NRCAM: variants seen among roughly 807,000 people sequenced by gnomAD.
The protein encoded by NRCAM is neuronal cell adhesion molecule, also known as NgCAM-related cell adhesion molecule.
A neutral mutation model predicts 156.5 loss-of-function variants in NRCAM; 83 were observed. That is an observed-to-expected ratio of 0.53 (90% CI 0.44 to 0.64). The LOEUF (loss-of-function observed/expected upper bound fraction) is 0.64. NRCAM is among the 30% of genes least tolerant of loss of function. The pLI, the probability that NRCAM is intolerant of heterozygous loss-of-function variation, is 0.00. For synonymous variants in NRCAM, 538 were observed against 563.9 expected, an observed-to-expected ratio of 0.95 and a Z score of 0.65; for missense variants, 1,417 against 1,597.3, an observed-to-expected ratio of 0.89 and a Z score of 1.92.
At chr7:108,172,245 CT>C (rs1405746184) in intron 28 of NRCAM, among the ~76,000 whole-genome samples, 1 of 151,896 alleles carries the variant, frequency 6.6e-6, no homozygotes, top group Non-Finnish European at 1.5e-5. Context: ...CCTTCACAGT[CT>C]ACTTCCTAGA....
At position 108,335,007 on chromosome 7, in the gene NRCAM, A is replaced by T. The variant is rs190075736; in HGVS notation, c.-173-22276T>A. 2.0e-5 allele frequency among the ~76,000 whole-genome samples: 3 copies of T among 152,340 alleles called. No individual in the cohort carries two copies. The East Asian group carries it at 5.8e-4, about 29-fold the overall frequency. On this transcript the variant is annotated intron_variant, in intron 2 of 32. Transcript: ENST00000379028. Reference sequence around the variant, plus strand: ...GAACCCTTCTATCACTGTTTTAGGCATATTTACATCCATTAATTAACAATC... The same window carrying T: ...GAACCCTTCTATCACTGTTTTAGGCTTATTTACATCCATTAATTAACAATC...
intron 3 of NRCAM, among the ~76,000 whole-genome samples, chr7:108,299,832 T>C (rs575873291): frequency 1.3e-5 from 2 of 152,312 alleles, no homozygotes; most frequent in South Asian, 4.2e-4. Context: ...GGTGGTGAAG[T>C]ACATGAACTC....
In NRCAM at chr7:108,346,067, G is replaced by A. The variant is rs1480188230; in HGVS notation, c.-173-33336C>T. On this transcript the variant is annotated intron_variant, in intron 2 of 32. Coordinates refer to ENST00000379028, the MANE Select transcript of NRCAM (RefSeq NM_001037132.4). ...GGGGACAGATTTGAGAAGTTGCTAC[G>A]GAGACTAGCTGTGGTAGCTCAGGTA... 2.6e-5 allele frequency among the ~76,000 whole-genome samples: 4 copies of A among 152,176 alleles called. No homozygotes were observed. In the South Asian group the frequency reaches 6.2e-4, roughly 24 times the overall value.
chr7:108,343,207 A>G (rs1369567138), intron 2 of NRCAM, among the ~76,000 whole-genome samples: 1 of 152,230 alleles, frequency 6.6e-6, no homozygotes, highest in Non-Finnish European at 1.5e-5. Context: ...GGCAGAACTA[A>G]TAGCCCTCAT....
At chr7:108,433,593 T>C (rs1116335) in intron 1 of NRCAM, among the ~76,000 whole-genome samples, 136,944 of 152,176 alleles carry the variant, frequency 0.9, 62,069 homozygotes, top group East Asian at 1. Context: ...TTGGGATGAC[T>C]TTTCACTGTA....
intron 2 of NRCAM, among the ~76,000 whole-genome samples, chr7:108,353,052 T>TAA (rs58322692): frequency 0.027 from 3,910 of 143,714 alleles, 70 homozygotes; most frequent in Admixed American, 0.054. Flanking sequence ...GTGCTCATTG[T>TAA]AAAAAAAAAA....
At chr7:108,259,844 C>T (rs191991330) in intron 3 of NRCAM, among the ~76,000 whole-genome samples, 5 of 152,064 alleles carry the variant, frequency 3.3e-5, no homozygotes, top group Admixed American at 1.3e-4. Context: ...GGCCTGTCGG[C>T]GGGTGGAGGG....
At chr7:108,443,844 A>AT (rs1206950060) in intron 1 of NRCAM, among the ~76,000 whole-genome samples, 2 of 151,688 alleles carry the variant, frequency 1.3e-5, no homozygotes, top group Non-Finnish European at 2.9e-5. Flanking sequence ...GCCAATTATT[A>AT]TATATGTATT....
At position 108,147,937 on chromosome 7, in the gene NRCAM, A is replaced by C. The variant is rs1434892275; in HGVS notation, c.*1973T>G. On this transcript the variant is annotated 3_prime_UTR_variant, in exon 33 of 33. Transcript: ENST00000379028. ...ATTGGCAAATTTAAAGTAACTTTTA[A>C]TCTTTGTGCTCTCTGATGCCAAGGC... The C allele has an allele frequency of 1.3e-5, 2 of 152,660 alleles. No homozygotes were observed. The highest frequency in any genetic ancestry group is 2.4e-5 in the African/African-American group (1 of 41,472). The allele number at this position is 152,660 out of a possible 1,614,324, so 9.5% of individuals were successfully genotyped here. A position where few individuals can be genotyped will look rare whatever the true frequency, so the allele number is the denominator to read the frequency against.
chr7:108,313,032 A>G (rs1320440276), intron 2 of NRCAM, among the ~76,000 whole-genome samples: 3 of 152,206 alleles, frequency 2.0e-5, no homozygotes, highest in Admixed American at 6.5e-5. Context: ...TTTGTAATGT[A>G]TCTATACAGT....
chr7:108,349,716 C>G (rs1259925101), intron 2 of NRCAM, among the ~76,000 whole-genome samples: 1 of 152,048 alleles, frequency 6.6e-6, no homozygotes, highest in African/African-American at 2.4e-5. Context: ...GAAGCACTCC[C>G]CCTCACAATA....
intron 4 of NRCAM, 68 bp downstream of exon 4, chr7:108,239,891 C>T: frequency 1.0e-6 from 1 of 967,832 alleles, no homozygotes; most frequent in Non-Finnish European, 1.6e-6. Flanking sequence ...TCACGCAGTT[C>T]AGAGTGATGA....
At chr7:108,383,484 T>C (rs1427238455) in intron 2 of NRCAM, among the ~76,000 whole-genome samples, 2 of 152,140 alleles carry the variant, frequency 1.3e-5, no homozygotes, top group Non-Finnish European at 2.9e-5. Flanking sequence ...ATATAACTTA[T>C]GACAAGGGCT....
At chr7:108,396,271 C>T (rs1303368900) in intron 2 of NRCAM, among the ~76,000 whole-genome samples, 2 of 152,178 alleles carry the variant, frequency 1.3e-5, no homozygotes, top group African/African-American at 2.4e-5. Context: ...TTACTGGCAG[C>T]TTTCGGGATG....
chr7:108,438,171 C>A (rs1472144762), intron 1 of NRCAM, among the ~76,000 whole-genome samples: 2 of 152,018 alleles, frequency 1.3e-5, no homozygotes, highest in East Asian at 3.8e-4. Context: ...CTTCCCAACA[C>A]AATCTATAAG....
chr7:108,267,846 TC>T (rs2097165870), intron 3 of NRCAM, among the ~76,000 whole-genome samples: 1 of 152,216 alleles, frequency 6.6e-6, no homozygotes, highest in South Asian at 2.1e-4. Flanking sequence ...GGTCAGTTCT[TC>T]CATGGTATAA....
intron 3 of NRCAM, among the ~76,000 whole-genome samples, chr7:108,289,422 C>T (rs1013333638): frequency 6.6e-6 from 1 of 152,090 alleles, no homozygotes; most frequent in Non-Finnish European, 1.5e-5. Context: ...TAGTATTTTT[C>T]AAGAAAACTA....
chr7:108,166,240 TTTC>T (rs1313823145), intron 30 of NRCAM, among the ~76,000 whole-genome samples: 2 of 147,068 alleles, frequency 1.4e-5, no homozygotes, highest in East Asian at 2.0e-4. Flanking sequence ...TGTGACTTTC[TTTC>T]TTTTCTTTTT....
intron 1 of NRCAM, among the ~76,000 whole-genome samples, chr7:108,418,897 G>GA (rs35754585): frequency 6.6e-6 from 1 of 151,902 alleles, no homozygotes; most frequent in African/African-American, 2.4e-5. Context: ...ATATTCTGGG[G>GA]AAAAAAATCT....
Sources: allele counts gnomAD v4.1 joint callset (sites outside exome capture counted in the v4.1 genomes callset), GRCh38; gene constraint gnomAD v4.1.1; transcripts MANE v1.5; gene names NCBI Gene and HGNC (gene_info 2026-07-23, HGNC 2026-07-21).